SLC25A48: variants seen among roughly 807,000 people sequenced by gnomAD.
SLC25A48 encodes the protein solute carrier family 25 member 48.
In SLC25A48, 29 loss-of-function variants were observed where a neutral mutation model predicts 32.2. The ratio of observed to expected loss-of-function variants is 0.90; its 90% confidence interval spans 0.67 to 1.23. SLC25A48 has a LOEUF of 1.23. Among genes scored for constraint, SLC25A48 ranks in the 50% most tolerant of loss-of-function variants. The probability of loss-of-function intolerance (pLI) is 0.00; values close to 1 mark genes in which losing one functional copy is unlikely to be tolerated. For synonymous variants in SLC25A48, 164 were observed against 172.3 expected (o/e 0.95, Z 0.38); for missense variants, 399 against 422.7 (o/e 0.94, Z 0.49).
chr5:135,863,714 A>C (rs1760981359), intron 4 of SLC25A48, among the ~76,000 whole-genome samples: 1 of 152,172 alleles, frequency 6.6e-6, no homozygotes, highest in Non-Finnish European at 1.5e-5. Context: ...CCATGCTCAC[A>C]TAACTATCCC....
intron 3 of SLC25A48, among the ~76,000 whole-genome samples, chr5:135,640,689 C>T (rs889503839): frequency 2.6e-5 from 4 of 152,002 alleles, no homozygotes; most frequent in Non-Finnish European, 5.9e-5. Flanking sequence ...CTTGGTTTAC[C>T]ATTTAAAAAT....
At chr5:135,763,441 C>T (rs543930716) in intron 3 of SLC25A48, among the ~76,000 whole-genome samples, 1 of 152,194 alleles carries the variant, frequency 6.6e-6, no homozygotes, top group East Asian at 1.9e-4. Flanking sequence ...ACCCAGCACC[C>T]TCCAGCCAGC....
chr5:135,800,004 A>G (rs1757282223), intron 3 of SLC25A48, among the ~76,000 whole-genome samples: 2 of 151,684 alleles, frequency 1.3e-5, no homozygotes, highest in African/African-American at 4.8e-5. Flanking sequence ...CCCCAAGTGT[A>G]ATATAGTTCC....
chr5:135,843,146 T>C (rs955541728), intron 2 of SLC25A48, among the ~76,000 whole-genome samples: 6 of 152,184 alleles, frequency 3.9e-5, no homozygotes, highest in Admixed American at 6.5e-5. Context: ...TTTTAAATAT[T>C]TGAAGAAACA....
At position 135,886,667 on chromosome 5, in the gene SLC25A48, TGTGTGTGAGA is replaced by T. The variant is rs1298436133; in HGVS notation, c.*8-1363_*8-1354del. On this transcript the variant is annotated intron_variant, in intron 7 of 7. Coordinates refer to ENST00000681962, the MANE Select transcript of SLC25A48 (RefSeq NM_001349336.2). ...ATATATATGTGTGTGTGTGTGTGTGTGTGTGTGAGAGAGAGAGAGAGAGAGAGAGAGAGAG... is the reference window on the plus strand; with the variant it reads ...ATATATATGTGTGTGTGTGTGTGTGTGAGAGAGAGAGAGAGAGAGAGAGAG... 1.7e-4 allele frequency among the ~76,000 whole-genome samples: 15 copies of T among 87,640 alleles called. 2 individuals carry two copies. The highest frequency in any genetic ancestry group is 1.0e-3 in the South Asian group (3 of 2,950). The allele number at this position is 87,640 out of a possible 152,430, so 57.5% of individuals were successfully genotyped here.
intron 4 of SLC25A48, among the ~76,000 whole-genome samples, chr5:135,817,838 AG>A (rs927568870): frequency 2.0e-5 from 3 of 152,226 alleles, no homozygotes; most frequent in African/African-American, 7.2e-5. Context: ...CAATCTTACA[AG>A]AAGTGGGCAA....
At chr5:135,800,473 A>T (rs1434423657) in intron 3 of SLC25A48, among the ~76,000 whole-genome samples, 1 of 151,856 alleles carries the variant, frequency 6.6e-6, no homozygotes, top group Non-Finnish European at 1.5e-5. Flanking sequence ...ATTGTTCCTA[A>T]TATGCAGGGG....
intron 1 of SLC25A48, among the ~76,000 whole-genome samples, chr5:135,608,633 G>A (rs959805738): frequency 3.3e-5 from 5 of 152,186 alleles, no homozygotes; most frequent in African/African-American, 7.2e-5. Flanking sequence ...CAGGTCAGTC[G>A]TGCCTGGAGG....
At chr5:135,710,978 A>C (rs1754642143) in intron 3 of SLC25A48, among the ~76,000 whole-genome samples, 2 of 152,164 alleles carry the variant, frequency 1.3e-5, no homozygotes, top group Admixed American at 1.3e-4. Context: ...GGAAGCTTTG[A>C]TTTGAAATAT....
chr5:135,654,631 T>C (rs1753199503), intron 3 of SLC25A48, among the ~76,000 whole-genome samples: 1 of 152,236 alleles, frequency 6.6e-6, no homozygotes, highest in Admixed American at 6.5e-5. Context: ...ATGTATCAAC[T>C]TGGCTGTGCT....
At chr5:135,626,697 C>T (rs1752448059) in intron 1 of SLC25A48, among the ~76,000 whole-genome samples, 1 of 152,150 alleles carries the variant, frequency 6.6e-6, no homozygotes, top group South Asian at 2.1e-4. Flanking sequence ...ATCTATGCAT[C>T]CTAGCAAGTT....
rs1762803293 is a variant in SLC25A48, at chr5:135,888,208, C to G, written c.*184C>G. ...GATGCCTGGGATGCCTCATGAGTCA[C>G]TGATTCAAGCCCTCCAAGGTTCTGA... On this transcript the variant is annotated 3_prime_UTR_variant, in exon 8 of 8. Transcript: ENST00000681962. 2 of 833,190 alleles carry G rather than the reference C, an allele frequency of 2.4e-6. No homozygotes were observed. The highest frequency in any genetic ancestry group is 1.9e-6 in the Non-Finnish European group (1 of 531,378). The allele number at this position is 833,190 out of a possible 1,614,324, so 51.6% of individuals were successfully genotyped here.
At chr5:135,801,380 G>T (rs1294049182) in intron 3 of SLC25A48, among the ~76,000 whole-genome samples, 1 of 150,856 alleles carries the variant, frequency 6.6e-6, no homozygotes, top group African/African-American at 2.4e-5. Context: ...TATCGTAGGG[G>T]GTGTACTCCT....
chr5:135,720,410 A>G (rs745912330), intron 3 of SLC25A48, among the ~76,000 whole-genome samples: 1 of 152,248 alleles, frequency 6.6e-6, no homozygotes, highest in Non-Finnish European at 1.5e-5. Context: ...CATGTGACAC[A>G]TGCAGCTGCC....
chr5:135,598,533 G>A (rs1751712648), intron 1 of SLC25A48, among the ~76,000 whole-genome samples: 1 of 152,184 alleles, frequency 6.6e-6, no homozygotes, highest in South Asian at 2.1e-4. Flanking sequence ...CAGCCTGCAG[G>A]CTGGCTACCC....
intron 1 of SLC25A48, among the ~76,000 whole-genome samples, chr5:135,607,891 T>C (rs1326634332): frequency 6.6e-6 from 1 of 152,230 alleles, no homozygotes; most frequent in Non-Finnish European, 1.5e-5. Flanking sequence ...GTAGTTCCAC[T>C]TCTGCCACTA....
chr5:135,769,722 TG>T, intron 3 of SLC25A48, among the ~76,000 whole-genome samples: 3 of 72,902 alleles, frequency 4.1e-5, no homozygotes, highest in Non-Finnish European at 8.7e-5. Context: ...TGGGAGAGGA[TG>T]ATGTTACTCC....
chr5:135,840,497 T>A (rs527348741), intron 1 of SLC25A48, among the ~76,000 whole-genome samples: 2 of 152,368 alleles, frequency 1.3e-5, no homozygotes, highest in African/African-American at 4.8e-5. Context: ...TGTGCAACCA[T>A]CACTTCTATC....
At chr5:135,756,733 A>C (rs1755916454) in intron 3 of SLC25A48, among the ~76,000 whole-genome samples, 1 of 152,020 alleles carries the variant, frequency 6.6e-6, no homozygotes, top group Non-Finnish European at 1.5e-5. Context: ...GTGTTAACAC[A>C]CCATAATATT....
Sources: allele counts gnomAD v4.1 joint callset (sites outside exome capture counted in the v4.1 genomes callset), GRCh38; gene constraint gnomAD v4.1.1; transcripts MANE v1.5; gene names NCBI Gene and HGNC (gene_info 2026-07-23, HGNC 2026-07-21).